Variants in DOCK9 observed in about 807,000 individuals in gnomAD.
DOCK9 encodes the protein dedicator of cytokinesis 9, also known as dedicator of cytokinesis protein 9.
A neutral mutation model predicts 263.3 loss-of-function variants in DOCK9; 89 were observed. That is an observed-to-expected ratio of 0.34 (90% CI 0.28 to 0.40). The LOEUF is 0.40. Ranked by LOEUF, DOCK9 falls within the 10% of genes least tolerant of loss-of-function variation. The pLI is 1.00. For missense variants in DOCK9, 2,140 were observed against 2,603.4 expected (o/e 0.82, Z 3.87); for synonymous variants, 976 against 973.1 (o/e 1.00, Z -0.06).
intron 45 of DOCK9, among the ~76,000 whole-genome samples, chr13:98,819,144 A>G (rs2092101054): frequency 1.3e-5 from 2 of 152,194 alleles, no homozygotes; most frequent in South Asian, 4.1e-4. Context: ...TGCTTAAAAT[A>G]CAGATTCCCG....
intron 2 of DOCK9, among the ~76,000 whole-genome samples, chr13:98,940,621 A>C (rs2055665621): frequency 6.6e-6 from 1 of 152,172 alleles, no homozygotes; most frequent in Non-Finnish European, 1.5e-5. Flanking sequence ...ATTTGAGCCT[A>C]AGCTCACCTA....
chr13:98,923,845 T>G (rs2052482919), intron 4 of DOCK9, among the ~76,000 whole-genome samples: 1 of 152,200 alleles, frequency 6.6e-6, no homozygotes. Context: ...ATGTGCCCTC[T>G]CATTTAATCC....
chr13:98,841,616 ATTTT>A (rs763770697), intron 38 of DOCK9, among the ~76,000 whole-genome samples: 9 of 137,356 alleles, frequency 6.6e-5, no homozygotes, highest in Non-Finnish European at 1.4e-4. Flanking sequence ...TATGAACAAA[ATTTT>A]TTTTTTTTTT....
intron 2 of DOCK9, among the ~76,000 whole-genome samples, chr13:98,938,536 G>A (rs1332110705): frequency 1.3e-5 from 2 of 152,116 alleles, no homozygotes; most frequent in Non-Finnish European, 2.9e-5. Flanking sequence ...GAAAAAAGAT[G>A]AATACCATAT....
chr13:98,892,314 C>T (rs544822257), intron 15 of DOCK9, among the ~76,000 whole-genome samples: 84 of 152,258 alleles, frequency 5.5e-4, no homozygotes, highest in Admixed American at 1.6e-3. Flanking sequence ...CCTCCCATGC[C>T]AACAGATTTG....
intron 47 of DOCK9, among the ~76,000 whole-genome samples, 162 bp from the exon 48 acceptor site, chr13:98,807,969 C>G (rs1455489892): frequency 6.6e-6 from 1 of 152,156 alleles, no homozygotes; most frequent in Non-Finnish European, 1.5e-5. Context: ...AACATGAAGT[C>G]TAGGTGCAAA....
chr13:98,988,812 G>A (rs1426532863), intron 1 of DOCK9, among the ~76,000 whole-genome samples: 1 of 152,218 alleles, frequency 6.6e-6, no homozygotes, highest in African/African-American at 2.4e-5. Flanking sequence ...TGAACAGAGG[G>A]AGGAAAAGAG....
chr13:98,795,070 G>A (rs1202215623), intron 52 of DOCK9, among the ~76,000 whole-genome samples: 3 of 152,142 alleles, frequency 2.0e-5, no homozygotes, highest in Non-Finnish European at 4.4e-5. Flanking sequence ...GGATTATAAG[G>A]AGAAAGTCAA....
chr13:98,900,150 T>C (rs2048055959), intron 13 of DOCK9, among the ~76,000 whole-genome samples: 1 of 121,596 alleles, frequency 8.2e-6, no homozygotes, highest in Non-Finnish European at 1.8e-5. Context: ...TACACATGGA[T>C]GAGCTTTACA....
In DOCK9 at chr13:98,898,194, A is replaced by C; in HGVS notation, c.1571T>G (p.Phe524Cys). The C allele has an allele frequency of 6.2e-7, 1 of 1,611,488 alleles. No individual in the cohort carries two copies. The highest frequency in any genetic ancestry group is 8.5e-7 in the Non-Finnish European group (1 of 1,178,778). ...CQRLGQYRMP[F>C]AWAARTLFKD... The stretch of plus-strand genomic sequence containing the variant: ...TGTTCCTTACCTTGCTGCCCAAGCA[A>C]ATGGCATTCTATACTGTCCTAGTCT... Residue 524 changes from phenylalanine to cysteine, a missense_variant, in exon 14 of 53, where the codon TTT becomes TGT. By Grantham distance (205) the Phe-to-Cys change is radical. This residue lies in a region of DOCK9 where 1,521 missense variants were observed against 1,741.7 expected (regional missense o/e 0.87). Coordinates refer to ENST00000682017, the MANE Select transcript of DOCK9 (RefSeq NM_001366683.2).
At position 98,855,970 on chromosome 13, in the gene DOCK9, T is replaced by A; in HGVS notation, c.3759A>T (p.Gly1253=). 6.2e-7 allele frequency: 1 copy of A among 1,613,896 alleles called. No individual in the cohort carries two copies. The change falls in exon 34 of 53, where the codon GGA becomes GGT. Residue 1253 remains glycine (G), a synonymous_variant. Transcript: ENST00000682017. Reference sequence around the variant, plus strand: ...TACCCGAATCTGTGCTTATGAGAGATCCTCTCGAATCAGCATTTCTCACAC... The same window carrying A: ...TACCCGAATCTGTGCTTATGAGAGAACCTCTCGAATCAGCATTTCTCACAC... ...INSVRNADSR[G]SLISTDSGNS...
chr13:98,814,968 A>C (rs75095819), intron 45 of DOCK9, among the ~76,000 whole-genome samples: 15,932 of 86,414 alleles, frequency 0.18, 1,407 homozygotes, highest in East Asian at 0.48. Flanking sequence ...AATAAAATAA[A>C]ATAAAATAAA....
intron 38 of DOCK9, chr13:98,845,440 GC>G: frequency 8.8e-7 from 1 of 1,137,316 alleles, no homozygotes; most frequent in Non-Finnish European, 1.2e-6. Context: ...TGATTCATGG[GC>G]TTTATGTTTT....
In DOCK9 at chr13:98,800,382, C is replaced by G; in HGVS notation, c.5822G>C (p.Ser1941Thr). 1 of 1,613,984 alleles carries G rather than the reference C, an allele frequency of 6.2e-7. No homozygotes were observed. The highest frequency in any genetic ancestry group is 1.1e-5 in the South Asian group (1 of 91,060). Reference sequence around the variant, plus strand: ...CTGCCGGAGCTCCGCCACCTTCTTACTCATCTCGTCAATGGCCACCTCGAT... The same window carrying G: ...CTGCCGGAGCTCCGCCACCTTCTTAGTCATCTCGTCAATGGCCACCTCGAT... ...NPIEVAIDEM[S>T]KKVAELRQLC... The change falls in exon 50 of 53, where the codon AGT (serine) becomes ACT (threonine). Residue 1941 changes from serine (S) to threonine (T), a missense_variant. By Grantham distance (58) the Ser-to-Thr change is moderately conservative. Coordinates refer to ENST00000682017, the MANE Select transcript of DOCK9 (RefSeq NM_001366683.2).
intron 45 of DOCK9, among the ~76,000 whole-genome samples, chr13:98,811,264 T>C (rs903354304): frequency 3.9e-5 from 6 of 152,226 alleles, no homozygotes; most frequent in African/African-American, 1.2e-4. Flanking sequence ...TGATTTGTTA[T>C]ATATGGCTTT....
At position 98,826,839 on chromosome 13, in the gene DOCK9, T is replaced by A. The variant is rs2092561602; in HGVS notation, c.5014A>T (p.Thr1672Ser). 1.9e-6 allele frequency: 3 copies of A among 1,607,790 alleles called. No homozygotes were observed. In the East Asian group the frequency reaches 6.7e-5, roughly 36 times the overall value. ...HVTALVAEYL[T>S]RKGVFRQGCT... The stretch of plus-strand genomic sequence containing the variant: ...GAGAATAATTCCTTACCTTTCCGTG[T>A]GAGATATTCTGCCACTAGGGCTGTT... The change falls in exon 44 of 53, where the codon ACA becomes TCA. Residue 1672 changes from threonine (T) to serine (S), a missense_variant. Thr to Ser is a moderately conservative substitution (Grantham distance 58, BLOSUM62 1). Coordinates refer to ENST00000682017, the MANE Select transcript of DOCK9 (RefSeq NM_001366683.2).
rs566052313 is a variant in DOCK9 at position 98,885,006 on chromosome 13, C to T, written c.2347G>A (p.Gly783Ser). The stretch of plus-strand genomic sequence containing the variant: ...CCAAGCTCCTGGTAGCCAAGATAGC[C>T]CGAAGGAAGGTTCGCCGAGACCGGG... ...HIPVSANLPS[G>S]YLGYQELGMG... The change falls in exon 21 of 53, where the codon GGC (glycine) becomes AGC (serine). Residue 783 changes from glycine to serine, a missense_variant. Around this residue, in one of 2 missense-constraint regions of DOCK9, gnomAD observed 1,521 missense variants for 1,741.7 expected, o/e 0.87. Coordinates refer to ENST00000682017, the MANE Select transcript of DOCK9 (RefSeq NM_001366683.2). 6 of 1,613,608 alleles carry T rather than the reference C, an allele frequency of 3.7e-6. No homozygotes were observed. The East Asian group carries it at 1.3e-4, about 36-fold the overall frequency.
intron 1 of DOCK9, chr13:99,086,109 A>G: frequency 7.5e-7 from 1 of 1,342,122 alleles, no homozygotes; most frequent in South Asian, 1.6e-5. Flanking sequence ...CCGCGGACCC[A>G]GCAGGGTCGG....
chr13:98,888,635 G>T lies in DOCK9; in HGVS notation c.1786C>A (p.Pro596Thr). The change falls in exon 16 of 53, where the codon CCT becomes ACT. Residue 596 changes from proline (P) to threonine (T), a missense_variant. Physicochemically the swap from Pro to Thr is conservative, Grantham distance 38. Transcript: ENST00000682017. The stretch of plus-strand genomic sequence containing the variant: ...ATTATGTAGAACTGACACTTACTAG[G>T]GAAGTCTGAGGAAACATTATCAATT... ...ITIDNVSSDF[P>T]NYVNSSYIPT... 6.2e-7 allele frequency: 1 copy of T among 1,613,640 alleles called. No homozygotes were observed. Among genetic ancestry groups the T allele is most frequent in the Non-Finnish European group, 8.5e-7 (1 of 1,179,664 alleles).
Sources: gnomAD v4.1 joint callset for allele counts (sites outside exome capture counted in the v4.1 genomes callset) on GRCh38, gnomAD v4.1.1 for gene constraint, gnomAD v4.1.1 regional missense constraint, MANE v1.5 for transcripts, NCBI Gene and HGNC (gene_info 2026-07-23, HGNC 2026-07-21) for gene names.